TMC3: variants seen among roughly 807,000 people sequenced by gnomAD.
TMC3 encodes the protein transmembrane channel-like protein 3.
TMC3 carries 98 observed loss-of-function variants against 110.6 expected under a neutral mutation model. The ratio of observed to expected loss-of-function variants is 0.89; its 90% confidence interval spans 0.75 to 1.05. The LOEUF (loss-of-function observed/expected upper bound fraction) is 1.05. Among genes scored for constraint, TMC3 ranks in the 50% least tolerant of loss-of-function variants. TMC3 has a pLI of 0.00. For synonymous variants in TMC3, 489 were observed against 513.1 expected, an observed-to-expected ratio of 0.95 and a Z score of 0.63; for missense variants, 1,319 against 1,373.2, an observed-to-expected ratio of 0.96 and a Z score of 0.62.
Position 81,345,014 on chromosome 15 carries a change from G to A in TMC3, c.1273-3C>T, listed in dbSNP as rs1893795982. 5 of 1,563,074 alleles carry A rather than the reference G, an allele frequency of 3.2e-6. No individual in the cohort carries two copies. The highest frequency in any genetic ancestry group is 4.3e-6 in the Non-Finnish European group (5 of 1,153,090). ...GTGTTATTTTTGGTAGCCATTTCCT[G>A]GGGAGAGAGAGAGAGAGAGAGAGGG... On this transcript the variant is annotated splice_polypyrimidine_tract_variant and splice_region_variant and intron_variant, in intron 12 of 21. Coordinates refer to ENST00000359440, the MANE Select transcript of TMC3 (RefSeq NM_001080532.3).
intron 15 of TMC3, 83 bp from the exon 16 acceptor site, chr15:81,341,601 G>A: frequency 6.8e-7 from 1 of 1,462,276 alleles, no homozygotes; most frequent in Admixed American, 2.1e-5. Flanking sequence ...GCAGGAACAT[G>A]GTTCTGACAC....
At position 81,349,447 on chromosome 15, in the gene TMC3, G is replaced by T. The variant is rs1404635598; in HGVS notation, c.1193+11C>A. ...AGCCACAGGTGGCATTTCTGGGCAG[G>T]ACTGTTGTACCTTGCAAGCTGGAAG... On this transcript the variant is annotated intron_variant, in intron 11 of 21. Coordinates refer to ENST00000359440, the MANE Select transcript of TMC3 (RefSeq NM_001080532.3). 6.8e-7 allele frequency: 1 copy of T among 1,460,696 alleles called. No homozygotes were observed. The highest frequency in any genetic ancestry group is 9.1e-7 in the Non-Finnish European group (1 of 1,101,888). 90.5% of individuals were successfully genotyped at this position (1,460,696 alleles called of 1,614,324 possible).
rs1893513616 is a variant in TMC3, at chr15:81,333,212, G to A, written c.2510C>T (p.Ser837Leu). 3.7e-6 allele frequency: 6 copies of A among 1,613,802 alleles called. No homozygotes were observed. Among genetic ancestry groups the A allele is most frequent in the East Asian group, 2.2e-5 (1 of 44,880 alleles). The stretch of plus-strand genomic sequence containing the variant: ...CGTTGTAAATGTCATAGGTGTGCGC[G>A]ATCTGTTCCTGTGAAGGTCACTGGT... ...ASTSDLHRNR[S>L]RTPMTFTTHI... Residue 837 changes from serine (S) to leucine (L), a missense_variant, in exon 22 of 22, where the codon TCG becomes TTG. Physicochemically the swap from Ser to Leu is moderately radical, Grantham distance 145. Transcript: ENST00000359440.
rs200423360 is a variant in TMC3 at position 81,341,400 on chromosome 15, G to T, written c.1834C>A (p.Arg612=). The change falls in exon 16 of 22, where the codon CGA becomes AGA. Residue 612 remains arginine, a synonymous_variant. Coordinates refer to ENST00000359440, the MANE Select transcript of TMC3 (RefSeq NM_001080532.3). ...TCNVPHQQVF[R]ASRSNNFYLA... is the part of the protein sequence containing the mutation. ...CTTATTCTTACTCACCTTGAGGCTC[G>T]AAATACTTGCTGGTGGGGCACATTG... The T allele has an allele frequency of 6.2e-6, 10 of 1,610,452 alleles. No individual in the cohort carries two copies. The highest frequency in any genetic ancestry group is 1.3e-5 in the African/African-American group (1 of 74,940).
intron 11 of TMC3, among the ~76,000 whole-genome samples, chr15:81,348,501 G>A (rs939359872): frequency 6.6e-6 from 1 of 152,192 alleles, no homozygotes; most frequent in Non-Finnish European, 1.5e-5. Flanking sequence ...AATGAGTGTG[G>A]TTGTTCTGAC....
Position 81,371,265 on chromosome 15 carries a change from G to A in TMC3, c.236+1326C>T, listed in dbSNP as rs113216609. 6.4e-4 allele frequency among the ~76,000 whole-genome samples: 98 copies of A among 152,220 alleles called. 1 individual carries two copies. Among genetic ancestry groups the A allele is most frequent in the Non-Finnish European group, 1.6e-4 (11 of 68,040 alleles). On this transcript the variant is annotated intron_variant, in intron 2 of 21. Coordinates refer to ENST00000359440, the MANE Select transcript of TMC3 (RefSeq NM_001080532.3). ...GAAGGAGAATTACTTGGAACATTTT[G>A]AGGATCAAAACTATGGATGACTTCA...
In TMC3 at chr15:81,344,981, A is replaced by G. The variant is rs1413429805; in HGVS notation, c.1303T>C (p.Trp435Arg). The G allele has an allele frequency of 3.1e-6, 5 of 1,594,374 alleles. No individual in the cohort carries two copies. The East Asian group carries it at 6.8e-5, about 22-fold the overall frequency. Residue 435 changes from tryptophan to arginine, a missense_variant, in exon 13 of 22, where the codon TGG becomes CGG. By Grantham distance (101) the Trp-to-Arg change is moderately radical. Transcript: ENST00000359440. ...EMATKNNTSH[W>R]IDSTTFFATR... ...GCAAAGAAGGTGGTGGAATCTATCC[A>G]ATGACTTGTGTTATTTTTGGTAGCC...
chr15:81,343,010 A>G (rs1174041654), intron 15 of TMC3: 6 of 378,328 alleles, frequency 1.6e-5, no homozygotes, highest in Non-Finnish European at 2.9e-5. Flanking sequence ...CCTCCCTAAG[A>G]GTGTATTCTA....
rs778676392 is a variant in TMC3, at chr15:81,351,735, C to G, written c.1042G>C (p.Glu348Gln). The G allele has an allele frequency of 7.0e-6, 11 of 1,575,620 alleles. No individual in the cohort carries two copies. Among genetic ancestry groups the G allele is most frequent in the African/African-American group, 1.4e-5 (1 of 73,958 alleles). Residue 348 changes from glutamate (E) to glutamine (Q), a missense_variant, in exon 10 of 22, where the codon GAG (glutamate) becomes CAG (glutamine). Glu to Gln is a conservative substitution (Grantham distance 29, BLOSUM62 2). Transcript: ENST00000359440. ...YFVVDRSQKL[E>Q]QSKKELTLWE... ...AGTGTCAGCTCCTTCTTCGACTGCT[C>G]CAGCTTCTGGGACCGGTCCACCACA...
intron 3 of TMC3, among the ~76,000 whole-genome samples, chr15:81,362,839 T>C (rs1894218852): frequency 6.6e-6 from 1 of 152,142 alleles, no homozygotes; most frequent in Non-Finnish European, 1.5e-5. Context: ...TACAAGTGCA[T>C]CCCTGTTTAA....
Position 81,343,296 on chromosome 15 carries a change from T to C in TMC3, c.1697A>G (p.Tyr566Cys), listed in dbSNP as rs1281885764. ...KIAENVLHLV[Y>C]NQGMIWMGAF... Reference sequence around the variant, plus strand: ...TACCTACCAAATCATTCCTTGGTTGTAGACTAAATGTAGCACATTCTCAGC... The same window carrying C: ...TACCTACCAAATCATTCCTTGGTTGCAGACTAAATGTAGCACATTCTCAGC... The change falls in exon 15 of 22, where the codon TAC (tyrosine) becomes TGC (cysteine). Residue 566 changes from tyrosine (Y) to cysteine (C), a missense_variant. Physicochemically the swap from Tyr to Cys is radical, Grantham distance 194. Transcript: ENST00000359440. 27 of 1,609,464 alleles carry C rather than the reference T, an allele frequency of 1.7e-5. No individual in the cohort carries two copies. Among genetic ancestry groups the C allele is most frequent in the Non-Finnish European group, 2.2e-5 (26 of 1,175,846 alleles).
chr15:81,351,951 C>A, intron 9 of TMC3, 110 bp from the exon 10 acceptor site: 1 of 1,314,742 alleles, frequency 7.6e-7, no homozygotes, highest in Non-Finnish European at 1.0e-6. Flanking sequence ...CAAGAGGATT[C>A]TCTGCCCTGA....
At chr15:81,338,031 G>T in intron 18 of TMC3, 107 bp from the exon 19 acceptor site, 1 of 856,064 alleles carries the variant, frequency 1.2e-6, no homozygotes, top group Non-Finnish European at 2.0e-6. Flanking sequence ...TCCCAGGCCA[G>T]ATGCGGGCTA....
At chr15:81,368,357 A>G in intron 2 of TMC3, 29 bp from the exon 3 acceptor site, 1 of 1,568,406 alleles carries the variant, frequency 6.4e-7, no homozygotes, top group Non-Finnish European at 8.8e-7. Context: ...GATGGTGAAC[A>G]CAATTGTATC....
intron 3 of TMC3, 34 bp from the exon 4 acceptor site, chr15:81,362,335 G>C (rs746510083): frequency 9.6e-6 from 15 of 1,566,828 alleles, no homozygotes; most frequent in Non-Finnish European, 1.2e-5. Flanking sequence ...GAGAGGTCAC[G>C]TACATGAAGA....
chr15:81,332,678 C>T lies in TMC3; in HGVS notation c.3044G>A (p.Arg1015Gln), dbSNP rs921589152. Reference protein sequence around the residue: ...ERPAYVPRKPRSRNFQYPQPP... With the variant: ...ERPAYVPRKPQSRNFQYPQPP... ...CTGTGGGTATTGGAAATTCCGGGAT[C>T]GTGGCTTTCTGGGCACATAGGCTGG... Residue 1015 changes from arginine to glutamine, a missense_variant, in exon 22 of 22, where the codon CGA (arginine) becomes CAA (glutamine). Transcript: ENST00000359440. 3.7e-6 allele frequency: 6 copies of T among 1,613,852 alleles called. No homozygotes were observed. The highest frequency in any genetic ancestry group is 1.7e-5 in the Admixed American group (1 of 60,002).
chr15:81,346,330 G>GGTGGGGCAGAGA, intron 12 of TMC3, 35 bp downstream of exon 12: 1 of 1,591,690 alleles, frequency 6.3e-7, no homozygotes, highest in African/African-American at 1.3e-5. Flanking sequence ...AGAGGGCAGA[G>GGTGGGGCAGAGA]GTGGGGCAGG....
Position 81,332,791 on chromosome 15 carries a change from C to CCT in TMC3, c.2929_2930dup (p.Ser978GlyfsTer50). The CCT allele has an allele frequency of 6.2e-7, 1 of 1,611,218 alleles. No homozygotes were observed. Among genetic ancestry groups the CCT allele is most frequent in the Non-Finnish European group, 8.5e-7 (1 of 1,178,682 alleles). On this transcript the variant is annotated frameshift_variant, in exon 22 of 22. Coordinates refer to ENST00000359440, the MANE Select transcript of TMC3 (RefSeq NM_001080532.3). LOFTEE classifies it low-confidence loss of function (END_TRUNC). ...CGGGATCCCGGGTCTGACTTTCGGA[C>CCT]CTCTCCCCAATATAAAAATGAGGAG...
intron 7 of TMC3, 31 bp downstream of exon 7, chr15:81,358,118 A>G: frequency 6.4e-7 from 1 of 1,552,172 alleles, no homozygotes; most frequent in Non-Finnish European, 8.7e-7. Flanking sequence ...ATAACGCTTG[A>G]TATGTATTTT....
Sources: gnomAD v4.1 joint callset for allele counts (sites outside exome capture counted in the v4.1 genomes callset) on GRCh38, gnomAD v4.1.1 for gene constraint, MANE v1.5 for transcripts, NCBI Gene and HGNC (gene_info 2026-07-23, HGNC 2026-07-21) for gene names.